KANK4: variants seen among roughly 807,000 people sequenced by gnomAD.
The protein encoded by KANK4 is KN motif and ankyrin repeat domain-containing protein 4.
A neutral mutation model predicts 80.8 loss-of-function variants in KANK4; 50 were observed. The observed-to-expected ratio is 0.62, with a 90% confidence interval of 0.49 to 0.78. The LOEUF (loss-of-function observed/expected upper bound fraction) is 0.78, where lower values mean the gene tolerates loss of function less well. Ranked by LOEUF, KANK4 falls within the 30% of genes least tolerant of loss-of-function variation. The pLI, the probability that KANK4 is intolerant of heterozygous loss-of-function variation, is 0.00. For synonymous variants in KANK4, 465 were observed against 506.9 expected (o/e 0.92, Z 1.11); for missense variants, 1,196 against 1,240.1 (o/e 0.96, Z 0.53).
intron 6 of KANK4, among the ~76,000 whole-genome samples, chr1:62,265,123 G>A (rs1033906979): frequency 1.3e-5 from 2 of 151,560 alleles, no homozygotes; most frequent in Non-Finnish European, 2.9e-5. Flanking sequence ...GAGCCACTGC[G>A]ACCGGTCGAG....
At chr1:62,305,961 G>A (rs1644447798) in intron 1 of KANK4, among the ~76,000 whole-genome samples, 1 of 151,896 alleles carries the variant, frequency 6.6e-6, no homozygotes, top group Non-Finnish European at 1.5e-5. Flanking sequence ...TTTCTATTTA[G>A]TAGTGTTTCC....
At position 62,247,609 on chromosome 1, in the gene KANK4, G is replaced by C; in HGVS notation, c.2746C>G (p.Leu916Val). Reference protein sequence around the residue: ...HDREDMVQALLSCQADVNLQD... With the variant: ...HDREDMVQALVSCQADVNLQD... ...AGATTGACATCTGCCTGGCAGCTAA[G>C]CAGCGCTTGAACCATGTCCTCCCTG... The change falls in exon 9 of 10, where the codon CTT becomes GTT. Residue 916 changes from leucine (L) to valine (V), a missense_variant. Leu to Val is a conservative substitution (Grantham distance 32). This residue lies in a region of KANK4 where 1,154 missense variants were observed against 1,179.6 expected (regional missense o/e 0.98). Coordinates refer to ENST00000371153, the MANE Select transcript of KANK4 (RefSeq NM_181712.5). 6.2e-7 allele frequency: 1 copy of C among 1,614,068 alleles called. No homozygotes were observed. Among genetic ancestry groups the C allele is most frequent in the Non-Finnish European group, 8.5e-7 (1 of 1,180,020 alleles).
At chr1:62,265,130 C>T (rs879774707) in intron 6 of KANK4, among the ~76,000 whole-genome samples, 1 of 151,822 alleles carries the variant, frequency 6.6e-6, no homozygotes, top group Non-Finnish European at 1.5e-5. Context: ...TGCGACCGGT[C>T]GAGTGGTGGA....
rs928424403 is a variant in KANK4, at chr1:62,308,461, C to T, written c.-71+10645G>A. On this transcript the variant is annotated intron_variant, in intron 1 of 9. Coordinates refer to ENST00000371153, the MANE Select transcript of KANK4 (RefSeq NM_181712.5). ...TCCTGAGCAGCTGCACCCCCTACCC[C>T]TCCTCACTCACCAGCCAGGAGCCTG... is the stretch of plus-strand genomic sequence containing the variant. Among the ~76,000 whole-genome samples the T allele has an allele frequency of 3.3e-5, 5 of 152,162 alleles. No individual in the cohort carries two copies. The South Asian group carries it at 8.3e-4, about 25-fold the overall frequency.
At chr1:62,260,634 C>T (rs1202328788) in intron 7 of KANK4, among the ~76,000 whole-genome samples, 1 of 152,180 alleles carries the variant, frequency 6.6e-6, no homozygotes, top group Non-Finnish European at 1.5e-5. Context: ...CCAACATGCC[C>T]CTAAAGCAGC....
At chr1:62,273,167 GCTCC>G (rs776534406) in intron 3 of KANK4, 33 bp downstream of exon 3, 19 of 1,354,408 alleles carry the variant, frequency 1.4e-5, no homozygotes, top group Non-Finnish European at 1.8e-5. Flanking sequence ...AGGAGAAATG[GCTCC>G]CTGTCTCAGG....
At chr1:62,295,740 G>C (rs1484281394) in intron 1 of KANK4, among the ~76,000 whole-genome samples, 1 of 152,172 alleles carries the variant, frequency 6.6e-6, no homozygotes, top group Admixed American at 6.5e-5. Flanking sequence ...TCCTCAGTGT[G>C]ATATTGGAGG....
intron 9 of KANK4, among the ~76,000 whole-genome samples, chr1:62,239,066 C>CTT (rs373105020): frequency 1.4e-5 from 2 of 140,802 alleles, no homozygotes; most frequent in Admixed American, 7.2e-5. Context: ...GTTGTTGGTT[C>CTT]TTTTTTTTTT....
At chr1:62,281,425 C>A (rs1672448491) in intron 2 of KANK4, 124 bp downstream of exon 2, 2 of 1,146,122 alleles carry the variant, frequency 1.7e-6, no homozygotes, top group Non-Finnish European at 2.7e-6. Flanking sequence ...AGCCTACCAG[C>A]ACTGCCTGTT....
intron 1 of KANK4, among the ~76,000 whole-genome samples, chr1:62,316,548 G>A (rs1261679825): frequency 5.9e-5 from 9 of 152,208 alleles, no homozygotes; most frequent in Non-Finnish European, 8.8e-5. Context: ...ACCTCACTGA[G>A]CATCCATTTT....
At chr1:62,248,043 C>T (rs753679828) in intron 8 of KANK4, among the ~76,000 whole-genome samples, 5 of 152,050 alleles carry the variant, frequency 3.3e-5, no homozygotes, top group African/African-American at 4.8e-5. Flanking sequence ...TGATAAATGT[C>T]GAATGACGGA....
rs2149130084 is a variant in KANK4, at chr1:62,260,170, G to A, written c.2539+2922C>T. On this transcript the variant is annotated intron_variant, in intron 7 of 9. Transcript: ENST00000371153. The stretch of plus-strand genomic sequence containing the variant: ...CCATCTCAGAGAAATGAATAGCCCA[G>A]CGTCTTGCTTCGGCTGCCCTCACCT... Among the ~76,000 whole-genome samples the A allele has an allele frequency of 1.3e-5, 2 of 152,200 alleles. 1 individual carries two copies. Among genetic ancestry groups the A allele is most frequent in the Middle Eastern group, 6.8e-3 (2 of 294 alleles).
At chr1:62,281,729 G>C in intron 1 of KANK4, 95 bp from the exon 2 acceptor site, 1 of 812,210 alleles carries the variant, frequency 1.2e-6, no homozygotes, top group Non-Finnish European at 2.1e-6. Flanking sequence ...ATCCATCCCT[G>C]CCTTTCTCCC....
chr1:62,245,425 A>G (rs1671442214), intron 9 of KANK4, among the ~76,000 whole-genome samples: 1 of 152,170 alleles, frequency 6.6e-6, no homozygotes, highest in South Asian at 2.1e-4. Flanking sequence ...TAAATTGCTG[A>G]TGAGTCAATC....
At chr1:62,284,310 G>A (rs1179243515) in intron 1 of KANK4, among the ~76,000 whole-genome samples, 1 of 152,168 alleles carries the variant, frequency 6.6e-6, no homozygotes, top group African/African-American at 2.4e-5. Context: ...ATGGGACACA[G>A]TTCCCCTTTA....
rs377138463 is a variant in KANK4 at position 62,268,420 on chromosome 1, C to T, written c.2098G>A (p.Asp700Asn). The change falls in exon 5 of 10, where the codon GAC becomes AAC. Residue 700 changes from aspartate to asparagine, a missense_variant. This residue lies in a region of KANK4 where 1,154 missense variants were observed against 1,179.6 expected (regional missense o/e 0.98). Coordinates refer to ENST00000371153, the MANE Select transcript of KANK4 (RefSeq NM_181712.5). Reference protein sequence around the residue: ...LSDSEAEKKCDGPDHKHVKDA... With the variant: ...LSDSEAEKKCNGPDHKHVKDA... ...TTGACATGCTTGTGATCTGGGCCGTCACACTTCTTCTCTGCCTCGCTGTCA... is the reference window on the plus strand; with the variant it reads ...TTGACATGCTTGTGATCTGGGCCGTTACACTTCTTCTCTGCCTCGCTGTCA... 2.5e-5 allele frequency: 40 copies of T among 1,613,918 alleles called. No homozygotes were observed. In the African/African-American group the frequency reaches 5.3e-4, roughly 22 times the overall value.
rs200092582 is a variant in KANK4, at chr1:62,274,359, C to T, written c.745G>A (p.Gly249Ser). 1 of 1,614,154 alleles carries T rather than the reference C, an allele frequency of 6.2e-7. No homozygotes were observed. Among genetic ancestry groups the T allele is most frequent in the Non-Finnish European group, 8.5e-7 (1 of 1,180,014 alleles). ...ACATTCTGGAATGAGAAAGGAGGGC[C>T]TGGGAGAGGGAGGTGATTTGGAACC... ...VKVPNHLPLPGPPFSFQNVLV... is the reference protein window; with the variant it reads ...VKVPNHLPLPSPPFSFQNVLV... The change falls in exon 3 of 10, where the codon GGC becomes AGC. Residue 249 changes from glycine (G) to serine (S), a missense_variant. Physicochemically the swap from Gly to Ser is moderately conservative, Grantham distance 56. Transcript: ENST00000371153.
intron 1 of KANK4, among the ~76,000 whole-genome samples, chr1:62,289,551 C>T (rs1205549913): frequency 1.3e-5 from 2 of 152,040 alleles, no homozygotes. Context: ...ACACTGCCTG[C>T]GTGTCCAATG....
At chr1:62,259,710 T>C (rs1671833270) in intron 7 of KANK4, among the ~76,000 whole-genome samples, 1 of 149,478 alleles carries the variant, frequency 6.7e-6, no homozygotes, top group Admixed American at 6.7e-5. Context: ...AAATTTTTAT[T>C]ATTAAATGAA....
Sources: allele counts gnomAD v4.1 joint callset (sites outside exome capture counted in the v4.1 genomes callset), GRCh38; gene constraint gnomAD v4.1.1; regional missense constraint gnomAD v4.1.1; transcripts MANE v1.5; gene names NCBI Gene and HGNC (gene_info 2026-07-23, HGNC 2026-07-21).